Variants in LTN1 observed in about 807,000 individuals in gnomAD.
LTN1 encodes the protein E3 ubiquitin-protein ligase listerin.
Under a neutral mutation model 201.2 loss-of-function variants are expected in LTN1, and 88 were observed. The ratio of observed to expected loss-of-function variants is 0.44; its 90% confidence interval spans 0.37 to 0.52. The LOEUF (loss-of-function observed/expected upper bound fraction) is 0.52. Ranked by LOEUF, LTN1 falls within the 20% of genes least tolerant of loss-of-function variation. The pLI is 0.00. For synonymous variants in LTN1, 645 were observed against 713.5 expected (o/e 0.90, Z 1.53); for missense variants, 1,752 against 2,038.7 (o/e 0.86, Z 2.71).
chr21:28,982,501 T>C (rs372923344), intron 4 of LTN1, 133 bp from the exon 5 acceptor site: 48 of 662,376 alleles, frequency 7.2e-5, no homozygotes, highest in Admixed American at 2.8e-5. Context: ...CAGAATCAAA[T>C]AGCAAAACTG....
intron 25 of LTN1, among the ~76,000 whole-genome samples, chr21:28,938,644 A>G (rs956919998): frequency 1.3e-5 from 2 of 152,342 alleles, no homozygotes; most frequent in Admixed American, 6.5e-5. Context: ...TTTATTTTCA[A>G]TAGCCAAAAA....
chr21:28,984,975 A>G (rs1421949158), intron 3 of LTN1, 53 bp from the exon 4 acceptor site: 1 of 1,366,954 alleles, frequency 7.3e-7, no homozygotes, highest in Non-Finnish European at 1.0e-6. Context: ...AAAAACAATC[A>G]CAGACATTTC....
chr21:28,948,492 C>A (rs964880392), intron 18 of LTN1, among the ~76,000 whole-genome samples: 3 of 151,520 alleles, frequency 2.0e-5, no homozygotes, highest in Non-Finnish European at 4.4e-5. Flanking sequence ...AGGCTGGTCG[C>A]GAACTCCTGA....
At chr21:28,977,426 G>A (rs1438944462) in intron 6 of LTN1, among the ~76,000 whole-genome samples, 1 of 151,508 alleles carries the variant, frequency 6.6e-6, no homozygotes, top group Non-Finnish European at 1.5e-5. Context: ...ACCTGAGCAG[G>A]TATTAGGACA....
intron 27 of LTN1, among the ~76,000 whole-genome samples, chr21:28,934,579 T>G (rs1241700476): frequency 6.6e-6 from 1 of 152,138 alleles, no homozygotes; most frequent in Non-Finnish European, 1.5e-5. Flanking sequence ...TGTAAGTTTC[T>G]GAGTAGCTGG....
chr21:28,935,649 G>A (rs1160634674), intron 26 of LTN1, among the ~76,000 whole-genome samples: 1 of 151,982 alleles, frequency 6.6e-6, no homozygotes, highest in Admixed American at 6.6e-5. Flanking sequence ...GACCATCCTG[G>A]CTAAAACGGT....
intron 26 of LTN1, among the ~76,000 whole-genome samples, 165 bp from the exon 27 acceptor site, chr21:28,935,494 T>A (rs2084247779): frequency 6.6e-6 from 1 of 152,210 alleles, no homozygotes; most frequent in South Asian, 2.1e-4. Context: ...AGTATGAGCA[T>A]CTTTCCACAC....
At chr21:28,970,879 TA>T in intron 7 of LTN1, 137 bp from the exon 8 acceptor site, 1 of 543,664 alleles carries the variant, frequency 1.8e-6, no homozygotes, top group South Asian at 3.9e-5. Context: ...TCACCACCAT[TA>T]AAAACTAAAA....
In LTN1 at chr21:28,946,199, G is replaced by A. The variant is rs759662617; in HGVS notation, c.3576C>T (p.Ile1192=). The part of the protein sequence containing the change: ...DGELLHGILK[I]IISWKKEHED... ...CATGCTCTTTCTTCCAGGATATTAT[G>A]ATTTTTAATATTCCATGTAATAGCT... Residue 1192 remains isoleucine (I), a synonymous_variant, in exon 20 of 30, where the codon ATC becomes ATT. Transcript: ENST00000361371. 3 of 1,585,134 alleles carry A rather than the reference G, an allele frequency of 1.9e-6. No homozygotes were observed. Among genetic ancestry groups the A allele is most frequent in the African/African-American group, 1.4e-5 (1 of 73,552 alleles).
At chr21:28,944,682 T>G (rs1489322095) in intron 21 of LTN1, 86 bp from the exon 22 acceptor site, 3 of 941,160 alleles carry the variant, frequency 3.2e-6, no homozygotes, top group African/African-American at 1.7e-5. Context: ...AGCCCCACTT[T>G]CATTTCTTTG....
At position 28,936,428 on chromosome 21, in the gene LTN1, A is replaced by C; in HGVS notation, c.4654+98T>G. 3.2e-6 allele frequency: 3 copies of C among 931,632 alleles called. No homozygotes were observed. The South Asian group carries it at 7.7e-5, about 24-fold the overall frequency. 57.7% of individuals were successfully genotyped at this position (931,632 alleles called of 1,614,324 possible). A position where few individuals can be genotyped will look rare whatever the true frequency, so the allele number is the denominator to read the frequency against. On this transcript the variant is annotated intron_variant, in intron 26 of 29. Coordinates refer to ENST00000361371, the MANE Select transcript of LTN1 (RefSeq NM_015565.3). ...TTCAACATTCTCATAGCCAGGACCC[A>C]CCTTTGGGGTTATTCTCCACATTCT...
chr21:28,943,589 T>TA, intron 23 of LTN1, 78 bp downstream of exon 23: 1 of 1,136,106 alleles, frequency 8.8e-7, no homozygotes, highest in Non-Finnish European at 1.3e-6. Flanking sequence ...TTACTTTAAA[T>TA]AATTAAAAGT....
At chr21:28,936,297 AAT>A (rs573328227) in intron 26 of LTN1, among the ~76,000 whole-genome samples, 70 of 152,358 alleles carry the variant, frequency 4.6e-4, no homozygotes, top group African/African-American at 1.6e-3. Flanking sequence ...GTCAAAAGTT[AAT>A]AGTCTCACCA....
At chr21:28,932,396 T>A in intron 28 of LTN1, 74 bp downstream of exon 28, 3 of 1,172,066 alleles carry the variant, frequency 2.6e-6, no homozygotes, top group Non-Finnish European at 2.5e-6. Flanking sequence ...AAGATATATT[T>A]TATGTTTAAA....
intron 16 of LTN1, among the ~76,000 whole-genome samples, 198 bp from the exon 17 acceptor site, chr21:28,953,574 C>G (rs1392399693): frequency 6.6e-6 from 1 of 152,144 alleles, no homozygotes; most frequent in Admixed American, 6.5e-5. Context: ...AAAATACCAC[C>G]CTTTTCCCAA....
rs1255244480 is a variant in LTN1 at position 28,992,852 on chromosome 21, C to G, written c.-47G>C. The G allele has an allele frequency of 1.2e-6, 2 of 1,614,088 alleles. No homozygotes were observed. The highest frequency in any genetic ancestry group is 3.3e-4 in the Middle Eastern group (2 of 6,060). On this transcript the variant is annotated 5_prime_UTR_variant, in exon 1 of 30. Transcript: ENST00000361371. ...CTGAGCACTCAGACCCCGGTTGACA[C>G]GTCCGGGACACAACTTCCGGCTTCT...
intron 18 of LTN1, among the ~76,000 whole-genome samples, chr21:28,950,235 T>C (rs2084371807): frequency 6.6e-6 from 1 of 152,156 alleles, no homozygotes; most frequent in Non-Finnish European, 1.5e-5. Flanking sequence ...TTTATAATTG[T>C]AATTTTTTGT....
rs1363611788 is a variant in LTN1, at chr21:28,930,442, A to G, written c.*6T>C. The G allele has an allele frequency of 6.2e-7, 1 of 1,609,290 alleles. No homozygotes were observed. The highest frequency in any genetic ancestry group is 8.5e-7 in the Non-Finnish European group (1 of 1,176,294). On this transcript the variant is annotated 3_prime_UTR_variant, in exon 30 of 30. Transcript: ENST00000361371. ...ACTTCAGGGATCCCTTCCAGTGAAA[A>G]AAATCTCAGAAAAACGTCTCACGAC...
intron 18 of LTN1, 127 bp from the exon 19 acceptor site, chr21:28,947,733 G>T: frequency 1.8e-6 from 1 of 564,068 alleles, no homozygotes; most frequent in Non-Finnish European, 2.8e-6. Flanking sequence ...TACATAAAAA[G>T]AAACTATGAT....
Sources: allele counts gnomAD v4.1 joint callset (sites outside exome capture counted in the v4.1 genomes callset), GRCh38; gene constraint gnomAD v4.1.1; transcripts MANE v1.5; gene names NCBI Gene and HGNC (gene_info 2026-07-23, HGNC 2026-07-21).